The following NAA11 variants were observed in gnomAD, a reference collection of about 807,000 sequenced individuals.
The protein encoded by NAA11 is N-alpha-acetyltransferase 11, NatA catalytic subunit, also known as N-alpha-acetyltransferase 11.
In NAA11, 15 loss-of-function variants were observed where a neutral mutation model predicts 16.1. The observed-to-expected ratio is 0.93, with a 90% CI of 0.62 to 1.44. The LOEUF is 1.44. Among genes scored for constraint, NAA11 ranks in the 40% most tolerant of loss-of-function variants. The probability of loss-of-function intolerance (pLI) is 0.00; values close to 1 mark genes in which losing one functional copy is unlikely to be tolerated. For missense variants in NAA11, 298 were observed against 291.3 expected (o/e 1.02, Z -0.17); for synonymous variants, 122 against 112.4 (o/e 1.09, Z -0.54).
At chr4:79,289,207 T>C (rs1044512638) in intron 2 of NAA11, among the ~76,000 whole-genome samples, 5 of 152,236 alleles carry the variant, frequency 3.3e-5, no homozygotes, top group African/African-American at 1.2e-4. Context: ...CAACACAATG[T>C]GGATTTCAAA....
the NAA11 span, among the ~76,000 whole-genome samples, chr4:79,209,660 ATTT>A: frequency 6.6e-6 from 1 of 152,180 alleles, no homozygotes; most frequent in African/African-American, 2.4e-5. Context: ...TTTAATGCTT[ATTT>A]AAGTTGCACA....
chr4:79,230,591 TC>T (rs1721440240), intron 2 of NAA11, among the ~76,000 whole-genome samples: 1 of 151,996 alleles, frequency 6.6e-6, no homozygotes, highest in Non-Finnish European at 1.5e-5. Flanking sequence ...ATGAGGTTGG[TC>T]TTTTTGTGAA....
the NAA11 span, among the ~76,000 whole-genome samples, chr4:79,180,312 A>C: frequency 6.6e-6 from 1 of 152,202 alleles, no homozygotes; most frequent in Admixed American, 6.5e-5. Context: ...ATGTATATGG[A>C]CCACATGTGT....
chr4:79,288,836 G>A (rs1302830070), intron 2 of NAA11, among the ~76,000 whole-genome samples: 1 of 152,080 alleles, frequency 6.6e-6, no homozygotes, highest in Non-Finnish European at 1.5e-5. Flanking sequence ...GCTGATATAA[G>A]ATGTTAATAT....
intron 2 of NAA11, among the ~76,000 whole-genome samples, chr4:79,290,847 G>T (rs755065901): frequency 2.6e-5 from 4 of 152,064 alleles, no homozygotes; most frequent in Non-Finnish European, 5.9e-5. Flanking sequence ...AAAATTATTT[G>T]CATGAAAATG....
At chr4:79,300,387 C>T (rs190376467) in intron 1 of NAA11, among the ~76,000 whole-genome samples, 1 of 151,662 alleles carries the variant, frequency 6.6e-6, no homozygotes, top group East Asian at 1.9e-4. Flanking sequence ...CACAATATGG[C>T]CCCCCTACCC....
At chr4:79,247,724 T>C (rs778065079) in intron 2 of NAA11, among the ~76,000 whole-genome samples, 2 of 152,118 alleles carry the variant, frequency 1.3e-5, no homozygotes, top group Non-Finnish European at 2.9e-5. Context: ...TGCCCAGGAC[T>C]ACCATGCACT....
chr4:79,194,993 C>T, the NAA11 span, among the ~76,000 whole-genome samples: 3 of 151,934 alleles, frequency 2.0e-5, no homozygotes, highest in Admixed American at 2.0e-4. Context: ...GGGAGAGGCT[C>T]AAATCTTCAA....
At chr4:79,205,789 A>C in the NAA11 span, among the ~76,000 whole-genome samples, 2 of 152,046 alleles carry the variant, frequency 1.3e-5, no homozygotes, top group African/African-American at 2.4e-5. Flanking sequence ...CTTTTTATAT[A>C]AGGTGAGAGA....
intron 2 of NAA11, among the ~76,000 whole-genome samples, chr4:79,257,588 T>A (rs1487664669): frequency 6.6e-6 from 1 of 152,156 alleles, no homozygotes; most frequent in Admixed American, 6.5e-5. Flanking sequence ...ATTCTGAAAT[T>A]TCTTTTTACT....
intron 2 of NAA11, among the ~76,000 whole-genome samples, chr4:79,248,380 T>C (rs1301864097): frequency 3.9e-5 from 6 of 152,024 alleles, no homozygotes; most frequent in Non-Finnish European, 8.8e-5. Context: ...CAGGTGGACC[T>C]TCCTTCCCTT....
chr4:79,171,321 T>C, the NAA11 span, among the ~76,000 whole-genome samples: 3,738 of 152,264 alleles, frequency 0.025, 155 homozygotes, highest in African/African-American at 0.086. Flanking sequence ...TTTGGCCCTC[T>C]TTTCTCTCCA....
At chr4:79,318,988 G>A (rs1266987570) in intron 1 of NAA11, among the ~76,000 whole-genome samples, 1 of 152,136 alleles carries the variant, frequency 6.6e-6, no homozygotes, top group Admixed American at 6.5e-5. Flanking sequence ...TACAATCATG[G>A]CTCACAAGAG....
chr4:79,245,753 C>A (rs1233022788), intron 2 of NAA11, among the ~76,000 whole-genome samples: 2 of 151,702 alleles, frequency 1.3e-5, no homozygotes, highest in Non-Finnish European at 2.9e-5. Context: ...GCAGCCACCC[C>A]CTCTGGGAGG....
At chr4:79,311,826 A>G (rs1723778927), downstream of NAA11, among the ~76,000 whole-genome samples, 1 of 152,336 alleles carries the variant, frequency 6.6e-6, no homozygotes, top group African/African-American at 2.4e-5. Flanking sequence ...GAAGATAATA[A>G]AATTAAAGAA....
At chr4:79,312,033 T>A (rs1029320935), downstream of NAA11, among the ~76,000 whole-genome samples, 1 of 152,128 alleles carries the variant, frequency 6.6e-6, no homozygotes, top group Non-Finnish European at 1.5e-5. Context: ...TCTGCCACTT[T>A]ACAAAAGAGA....
the NAA11 span, among the ~76,000 whole-genome samples, chr4:79,170,561 A>G: frequency 6.6e-6 from 1 of 152,190 alleles, no homozygotes; most frequent in African/African-American, 2.4e-5. Flanking sequence ...GAGGTCAGAA[A>G]GGACTTTGCA....
chr4:79,223,030 CTT>C (rs1201189923), downstream of NAA11, among the ~76,000 whole-genome samples: 2 of 141,502 alleles, frequency 1.4e-5, no homozygotes, highest in Non-Finnish European at 3.1e-5. Context: ...AATAGGAACA[CTT>C]TTACACTGTT....
chr4:79,325,378 C>A lies in NAA11; in HGVS notation c.500G>T (p.Gly167Val). The A allele has an allele frequency of 3.1e-6, 5 of 1,614,048 alleles. No homozygotes were observed. The highest frequency in any genetic ancestry group is 4.2e-6 in the Non-Finnish European group (5 of 1,179,944). ...ELRRQMDLKK[G>V]GYVVLGSREN... ...CCTGGAGCCCAGGACCACATACCCG[C>A]CCTTCTTCAGGTCCATTTGTCGTCT... is the stretch of plus-strand genomic sequence containing the variant. Residue 167 changes from glycine to valine, a missense_variant, in exon 1 of 2, where the codon GGC becomes GTC. Transcript: ENST00000286794.
Sources: gnomAD v4.1 joint callset for allele counts (sites outside exome capture counted in the v4.1 genomes callset) on GRCh38, gnomAD v4.1.1 for gene constraint, MANE v1.5 for transcripts, NCBI Gene and HGNC (gene_info 2026-07-23, HGNC 2026-07-21) for gene names.